Variants in CYP39A1 observed in about 807,000 individuals in gnomAD.
The protein encoded by CYP39A1 is 24-hydroxycholesterol 7-alpha-hydroxylase.
In CYP39A1, 49 loss-of-function variants were observed where a neutral mutation model predicts 58.1. The ratio of observed to expected loss-of-function variants is 0.84; its 90% CI spans 0.67 to 1.07. The LOEUF is 1.07. Ranked by LOEUF, CYP39A1 falls within the 50% of genes least tolerant of loss-of-function variation. The pLI, the probability that CYP39A1 is intolerant of heterozygous loss-of-function variation, is 0.00. For synonymous variants in CYP39A1, 209 were observed against 187.6 expected, an observed-to-expected ratio of 1.11 and a Z score of -0.93; for missense variants, 531 against 539.4, an observed-to-expected ratio of 0.98 and a Z score of 0.16.
intron 7 of CYP39A1, among the ~76,000 whole-genome samples, chr6:46,619,938 T>G (rs1349281410): frequency 6.6e-6 from 1 of 152,136 alleles, no homozygotes; most frequent in African/African-American, 2.4e-5. Flanking sequence ...AAAGAAATTT[T>G]AAAACTTATA....
intron 8 of CYP39A1, among the ~76,000 whole-genome samples, chr6:46,594,506 C>T (rs1043497567): frequency 6.6e-6 from 1 of 151,968 alleles, no homozygotes; most frequent in African/African-American, 2.4e-5. Context: ...AATAAATACA[C>T]ACATTTACAG....
chr6:46,616,691 G>A (rs1008535044), intron 7 of CYP39A1, among the ~76,000 whole-genome samples: 6 of 152,082 alleles, frequency 3.9e-5, no homozygotes, highest in African/African-American at 1.2e-4. Context: ...GTCATATAAC[G>A]GGAGTGCAAC....
At chr6:46,599,313 C>CG (rs151023424) in intron 7 of CYP39A1, among the ~76,000 whole-genome samples, 8,118 of 151,982 alleles carry the variant, frequency 0.053, 462 homozygotes, top group African/African-American at 0.14. Context: ...AGTGACCAGA[C>CG]GGGGGAGGGA....
intron 10 of CYP39A1, among the ~76,000 whole-genome samples, chr6:46,584,746 T>C (rs761206711): frequency 4.6e-5 from 7 of 152,140 alleles, no homozygotes; most frequent in African/African-American, 9.7e-5. Context: ...CACATGCCTC[T>C]GTGCTTAGTA....
At chr6:46,570,210 T>C (rs1459557923) in intron 10 of CYP39A1, among the ~76,000 whole-genome samples, 2 of 152,180 alleles carry the variant, frequency 1.3e-5, no homozygotes, top group African/African-American at 4.8e-5. Context: ...TCTGATTTAT[T>C]TGTCTTCTGT....
chr6:46,554,439 C>T (rs1340723824), intron 10 of CYP39A1, among the ~76,000 whole-genome samples: 1 of 152,146 alleles, frequency 6.6e-6, no homozygotes. Flanking sequence ...CCTCTAAATC[C>T]ACTTTTCCTT....
At chr6:46,563,386 A>C (rs557954286) in intron 10 of CYP39A1, among the ~76,000 whole-genome samples, 34 of 152,344 alleles carry the variant, frequency 2.2e-4, no homozygotes, top group African/African-American at 8.2e-4. Flanking sequence ...TATCTTTTAC[A>C]CTTACAAGAA....
chr6:46,577,575 TAGAG>T (rs1561960419), intron 10 of CYP39A1, among the ~76,000 whole-genome samples: 1 of 152,038 alleles, frequency 6.6e-6, no homozygotes, highest in Non-Finnish European at 1.5e-5. Flanking sequence ...GGTAAGGGGA[TAGAG>T]AAAGATCTAT....
chr6:46,551,668 TCTA>T (rs1015901540), intron 11 of CYP39A1, among the ~76,000 whole-genome samples: 22 of 152,312 alleles, frequency 1.4e-4, no homozygotes, highest in Admixed American at 4.6e-4. Context: ...TTTGATTTTT[TCTA>T]CTATGTTAAG....
intron 7 of CYP39A1, among the ~76,000 whole-genome samples, chr6:46,616,186 TCTTCTTTCCCTCCCTCC>T (rs1561994104): frequency 4.1e-4 from 8 of 19,318 alleles, no homozygotes; most frequent in Non-Finnish European, 7.3e-4. Context: ...TTTCTTTCTT[TCTTCTTTCCCTCCCTCC>T]CTCCCTCCCT....
intron 6 of CYP39A1, 133 bp downstream of exon 6, chr6:46,630,830 C>A (rs1471417150): frequency 4.1e-6 from 3 of 728,838 alleles, no homozygotes; most frequent in Non-Finnish European, 6.7e-6. Context: ...ATCTCACAAC[C>A]AAATCCACTG....
chr6:46,593,045 AT>A (rs746907454), intron 8 of CYP39A1, among the ~76,000 whole-genome samples: 3 of 152,200 alleles, frequency 2.0e-5, no homozygotes, highest in Non-Finnish European at 4.4e-5. Flanking sequence ...ATGGACTATT[AT>A]GTGACCACTG....
intron 6 of CYP39A1, among the ~76,000 whole-genome samples, chr6:46,628,750 AC>A (rs2150577023): frequency 6.6e-6 from 1 of 152,318 alleles, no homozygotes; most frequent in South Asian, 2.1e-4. Context: ...AATAAAGGTC[AC>A]TAAAGCAGAA....
chr6:46,607,977 G>C (rs192913639), intron 7 of CYP39A1, among the ~76,000 whole-genome samples: 3 of 152,194 alleles, frequency 2.0e-5, no homozygotes, highest in African/African-American at 7.2e-5. Flanking sequence ...GTGTGCAAAA[G>C]ATCATAGTGC....
At chr6:46,575,187 C>T (rs1771787257) in intron 10 of CYP39A1, among the ~76,000 whole-genome samples, 1 of 152,048 alleles carries the variant, frequency 6.6e-6, no homozygotes, top group Non-Finnish European at 1.5e-5. Context: ...GTGATAATTG[C>T]CTGGAGAGTT....
intron 8 of CYP39A1, among the ~76,000 whole-genome samples, chr6:46,593,269 T>C (rs1352584078): frequency 6.6e-6 from 1 of 152,128 alleles, no homozygotes; most frequent in Non-Finnish European, 1.5e-5. Flanking sequence ...TGTTTGAGCA[T>C]GGGTATCTCT....
chr6:46,583,366 G>A lies in CYP39A1; in HGVS notation c.1250+3711C>T, dbSNP rs892746926. The A allele has an allele frequency of 7.1e-6, 7 of 985,188 alleles. No individual in the cohort carries two copies. In the African/African-American group the frequency reaches 1.2e-4, roughly 17 times the overall value. 61.0% of individuals were successfully genotyped at this position (985,188 alleles called of 1,614,324 possible). On this transcript the variant is annotated intron_variant, in intron 10 of 11. Transcript: ENST00000275016. ...TTGTTGGTTTTGGTGTGTGTTCCAG[G>A]GGACAGGTATAGCAAGCACATCCCT...
chr6:46,589,267 A>G (rs1345065561), intron 8 of CYP39A1, among the ~76,000 whole-genome samples: 2 of 152,064 alleles, frequency 1.3e-5, no homozygotes, highest in African/African-American at 4.8e-5. Flanking sequence ...AGCCTAGGCA[A>G]CATAGGAAGA....
At chr6:46,635,081 CTTTTT>C (rs902104019) in intron 5 of CYP39A1, among the ~76,000 whole-genome samples, 1 of 152,126 alleles carries the variant, frequency 6.6e-6, no homozygotes, top group Non-Finnish European at 1.5e-5. Context: ...TCACATAGTC[CTTTTT>C]CCTAAGGCCA....
Sources: gnomAD v4.1 joint callset for allele counts (sites outside exome capture counted in the v4.1 genomes callset) on GRCh38, gnomAD v4.1.1 for gene constraint, MANE v1.5 for transcripts, NCBI Gene and HGNC (gene_info 2026-07-23, HGNC 2026-07-21) for gene names.